PAK1: variants seen among roughly 807,000 people sequenced by gnomAD.
PAK1 encodes p21 (RAC1) activated kinase 1.
In PAK1, 29 loss-of-function variants were observed where a neutral mutation model predicts 67.4. The observed-to-expected ratio is 0.43, with a 90% CI of 0.32 to 0.59. PAK1 has a LOEUF of 0.59. Among genes scored for constraint, PAK1 ranks in the 20% least tolerant of loss-of-function variants. The pLI is 0.07. For missense variants in PAK1, 337 were observed against 670.7 expected (o/e 0.50, Z 5.50); for synonymous variants, 223 against 237.4 (o/e 0.94, Z 0.56).
intron 1 of PAK1, among the ~76,000 whole-genome samples, chr11:77,394,477 C>T (rs1448452739): frequency 6.6e-6 from 1 of 152,066 alleles, no homozygotes; most frequent in African/African-American, 2.4e-5. Context: ...ACTGATCCCC[C>T]CACATCCAGT....
chr11:77,355,791 C>G lies in PAK1; in HGVS notation c.649G>C (p.Val217Leu), dbSNP rs773354843. The change falls in exon 7 of 15, where the codon GTG becomes CTG. Residue 217 changes from valine (V) to leucine (L), a missense_variant. Transcript: ENST00000356341. Reference sequence around the variant, plus strand: ...GTAGGTGAAATGGGAGATGTAGCCACGTCCCGAGTTGGAGTGACAGGAAGT... The same window carrying G: ...GTAGGTGAAATGGGAGATGTAGCCAGGTCCCGAGTTGGAGTGACAGGAAGT... ...EPLPVTPTRD[V>L]ATSPISPTEN... 1 of 1,613,408 alleles carries G rather than the reference C, an allele frequency of 6.2e-7. No individual in the cohort carries two copies. Among genetic ancestry groups the G allele is most frequent in the Non-Finnish European group, 8.5e-7 (1 of 1,179,448 alleles).
intron 1 of PAK1, among the ~76,000 whole-genome samples, chr11:77,393,131 C>A (rs1250069649): frequency 6.6e-6 from 1 of 151,684 alleles, no homozygotes; most frequent in Non-Finnish European, 1.5e-5. Context: ...CTGATGCTGG[C>A]AGAGTTCAGT....
the PAK1 span, among the ~76,000 whole-genome samples, chr11:77,504,529 C>T: frequency 3.3e-5 from 5 of 152,242 alleles, no homozygotes; most frequent in African/African-American, 9.6e-5. Flanking sequence ...TAAAACTTGA[C>T]GAGTGGGAGT....
chr11:77,346,404 T>A (rs1944429911), intron 9 of PAK1, among the ~76,000 whole-genome samples: 1 of 152,180 alleles, frequency 6.6e-6, no homozygotes, highest in Admixed American at 6.5e-5. Context: ...GGACTTAAGC[T>A]CAGGATCTGA....
intron 1 of PAK1, among the ~76,000 whole-genome samples, chr11:77,453,216 G>C (rs1204375677): frequency 6.6e-6 from 1 of 152,118 alleles, no homozygotes; most frequent in Non-Finnish European, 1.5e-5. Context: ...TTAGCCAGGT[G>C]TATGGCGCAC....
chr11:77,501,312 G>A, the PAK1 span, among the ~76,000 whole-genome samples: 3 of 152,196 alleles, frequency 2.0e-5, no homozygotes, highest in Admixed American at 6.5e-5. Context: ...ACCACTATCT[G>A]CCAGAGGGGA....
At chr11:77,436,716 C>T (rs574330790) in intron 1 of PAK1, among the ~76,000 whole-genome samples, 12 of 152,304 alleles carry the variant, frequency 7.9e-5, no homozygotes, top group Admixed American at 5.9e-4. Context: ...GTAAGATATG[C>T]GTGGGAAAGC....
At chr11:77,397,294 T>G (rs553005831) in intron 1 of PAK1, 2 of 152,356 alleles carry the variant, frequency 1.3e-5, no homozygotes, top group African/African-American at 4.8e-5. Flanking sequence ...ATCAACTGAA[T>G]GACTCTATAA....
At chr11:77,485,614 T>C in the PAK1 span, among the ~76,000 whole-genome samples, 2 of 152,162 alleles carry the variant, frequency 1.3e-5, no homozygotes, top group African/African-American at 2.4e-5. Context: ...TAGCTGAGAT[T>C]ACAGGCGTCT....
chr11:77,406,053 C>T (rs954741314), intron 1 of PAK1, among the ~76,000 whole-genome samples: 1 of 152,128 alleles, frequency 6.6e-6, no homozygotes, highest in African/African-American at 2.4e-5. Flanking sequence ...CTACTCCTAC[C>T]TCGTTTGCAG....
chr11:77,392,850 T>C (rs1951315613), intron 1 of PAK1, among the ~76,000 whole-genome samples: 1 of 152,230 alleles, frequency 6.6e-6, no homozygotes, highest in Admixed American at 6.5e-5. Flanking sequence ...TAAGTGTGAA[T>C]CCCAGTACCA....
chr11:77,420,769 C>T (rs1955216991), intron 1 of PAK1, among the ~76,000 whole-genome samples: 1 of 152,122 alleles, frequency 6.6e-6, no homozygotes, highest in Non-Finnish European at 1.5e-5. Flanking sequence ...GCTCTGCTCC[C>T]CAGGGGATAT....
chr11:77,465,863 T>A (rs930831015), intron 1 of PAK1, among the ~76,000 whole-genome samples: 1 of 152,214 alleles, frequency 6.6e-6, no homozygotes, highest in Non-Finnish European at 1.5e-5. Context: ...GTGAGACGAT[T>A]GCTTGAGCCC....
chr11:77,363,667 C>G (rs577283160), intron 5 of PAK1, among the ~76,000 whole-genome samples: 1 of 152,106 alleles, frequency 6.6e-6, no homozygotes, highest in African/African-American at 2.4e-5. Context: ...ATAATCTGTC[C>G]TTTATCTTTT....
intron 11 of PAK1, among the ~76,000 whole-genome samples, chr11:77,339,104 A>C (rs1463218639): frequency 6.6e-6 from 1 of 152,166 alleles, no homozygotes; most frequent in Non-Finnish European, 1.5e-5. Flanking sequence ...TAAAAGGAGA[A>C]GATGATCTCT....
chr11:77,471,033 A>T (rs1455227659), intron 1 of PAK1, among the ~76,000 whole-genome samples: 1 of 152,246 alleles, frequency 6.6e-6, no homozygotes, highest in African/African-American at 2.4e-5. Context: ...CCAATGTCGC[A>T]GCTGGCAATA....
intron 2 of PAK1, among the ~76,000 whole-genome samples, chr11:77,389,278 C>A (rs1168027524): frequency 3.9e-5 from 6 of 152,194 alleles, no homozygotes; most frequent in African/African-American, 1.2e-4. Flanking sequence ...GTCTTTGTTA[C>A]CAAATATTTC....
At chr11:77,451,371 C>A (rs183931337) in intron 1 of PAK1, among the ~76,000 whole-genome samples, 194 of 152,246 alleles carry the variant, frequency 1.3e-3, no homozygotes, top group African/African-American at 4.4e-3. Flanking sequence ...TCTGAACAAA[C>A]CAGCCTTGCT....
intron 1 of PAK1, among the ~76,000 whole-genome samples, chr11:77,420,349 G>A (rs140804372): frequency 3.0e-4 from 46 of 152,230 alleles, no homozygotes; most frequent in African/African-American, 8.2e-4. Context: ...CACAATGTTC[G>A]TCACTATGGA....
Sources: allele counts gnomAD v4.1 joint callset (sites outside exome capture counted in the v4.1 genomes callset), GRCh38; gene constraint gnomAD v4.1.1; transcripts MANE v1.5; gene names NCBI Gene and HGNC (gene_info 2026-07-23, HGNC 2026-07-21).